The following FAM177A1 variants were observed in gnomAD, a reference collection of about 807,000 sequenced individuals.
FAM177A1 encodes protein FAM177A1.
FAM177A1 carries 22 observed loss-of-function variants against 26.1 expected under a neutral mutation model. That is an observed-to-expected ratio of 0.84 (90% CI 0.60 to 1.20). FAM177A1 has a LOEUF of 1.20. FAM177A1 is among the 50% of genes most tolerant of loss of function. FAM177A1 has a pLI of 0.00. For missense variants in FAM177A1, 296 were observed against 291.1 expected (o/e 1.02, Z -0.12); for synonymous variants, 95 against 99.3 (o/e 0.96, Z 0.26).
intron 2 of FAM177A1, among the ~76,000 whole-genome samples, chr14:35,058,326 AG>A (rs1054028657): frequency 6.6e-6 from 1 of 152,098 alleles, no homozygotes; most frequent in Non-Finnish European, 1.5e-5. Flanking sequence ...GGCCTCCCAA[AG>A]AGCTGGTATT....
intron 1 of FAM177A1, 176 bp downstream of exon 1, chr14:35,046,804 C>T (rs1057128911): frequency 2.2e-6 from 3 of 1,378,870 alleles, no homozygotes; most frequent in Middle Eastern, 3.7e-4. Context: ...GAAGGAGCGC[C>T]CCCCGCCTCA....
At chr14:35,060,074 G>A (rs2045127897) in intron 2 of FAM177A1, among the ~76,000 whole-genome samples, 1 of 152,040 alleles carries the variant, frequency 6.6e-6, no homozygotes, top group African/African-American at 2.4e-5. Flanking sequence ...CCTGGATTCA[G>A]GTGATTCTCC....
intron 2 of FAM177A1, among the ~76,000 whole-genome samples, chr14:35,072,223 C>T (rs567401815): frequency 1.4e-4 from 21 of 151,776 alleles, no homozygotes; most frequent in Admixed American, 3.9e-4. Flanking sequence ...TGCAGTGAGC[C>T]GAGATCGCAA....
chr14:35,073,424 G>A (rs562282759), intron 2 of FAM177A1, among the ~76,000 whole-genome samples: 2 of 152,270 alleles, frequency 1.3e-5, no homozygotes, highest in South Asian at 4.1e-4. Context: ...TGTGTAATGA[G>A]CCTTAAAGGT....
At chr14:35,075,092 C>T (rs1455032720) in intron 2 of FAM177A1, among the ~76,000 whole-genome samples, 1 of 152,130 alleles carries the variant, frequency 6.6e-6, no homozygotes, top group African/African-American at 2.4e-5. Flanking sequence ...AGGCTTTATA[C>T]TGTGTTTTCT....
At chr14:35,068,016 C>A (rs1432528535) in intron 2 of FAM177A1, among the ~76,000 whole-genome samples, 2 of 152,088 alleles carry the variant, frequency 1.3e-5, no homozygotes, top group African/African-American at 4.8e-5. Context: ...TGTGCAGAAG[C>A]TTTTTATTTT....
At chr14:35,070,252 C>T (rs1332365131) in intron 2 of FAM177A1, among the ~76,000 whole-genome samples, 2 of 151,510 alleles carry the variant, frequency 1.3e-5, no homozygotes, top group Non-Finnish European at 2.9e-5. Context: ...TCTCGATCTC[C>T]TGACCTCGTG....
Position 35,053,263 on chromosome 14 carries a change from A to G in FAM177A1, c.166-15A>G. On this transcript the variant is annotated splice_polypyrimidine_tract_variant and intron_variant, in intron 1 of 4. Transcript: ENST00000280987. ...CTCACTTGAAACTCATTTTCTTAAAATATCGTTGATATAGATGAGTAACGA... is the reference window on the plus strand; with the variant it reads ...CTCACTTGAAACTCATTTTCTTAAAGTATCGTTGATATAGATGAGTAACGA... 1 of 1,584,434 alleles carries G rather than the reference A, an allele frequency of 6.3e-7. No individual in the cohort carries two copies. Among genetic ancestry groups the G allele is most frequent in the Non-Finnish European group, 8.5e-7 (1 of 1,170,132 alleles).
chr14:35,053,062 G>C (rs1397433888), intron 1 of FAM177A1: 1 of 467,806 alleles, frequency 2.1e-6, no homozygotes, highest in Non-Finnish European at 3.8e-6. Context: ...CTGCTTTCCA[G>C]ATTTGGTTTA....
intron 2 of FAM177A1, among the ~76,000 whole-genome samples, chr14:35,058,841 A>C (rs1266566059): frequency 6.6e-6 from 1 of 152,200 alleles, no homozygotes; most frequent in African/African-American, 2.4e-5. Flanking sequence ...TCACCACTAC[A>C]TTCCAGTCTA....
intron 1 of FAM177A1, chr14:35,046,837 G>A (rs942248576): frequency 1.5e-6 from 2 of 1,358,248 alleles, no homozygotes; most frequent in Non-Finnish European, 1.9e-6. Flanking sequence ...TTGGCTGGCA[G>A]CACAGCAGAC....
At chr14:35,077,239 T>C in intron 3 of FAM177A1, 23 bp downstream of exon 3, 1 of 1,605,006 alleles carries the variant, frequency 6.2e-7, no homozygotes, top group Non-Finnish European at 8.5e-7. Flanking sequence ...TGCTTGAATA[T>C]TGTATAATTG....
At position 35,046,540 on chromosome 14, in the gene FAM177A1, A is replaced by G. The variant is rs146253684; in HGVS notation, c.77A>G (p.Gln26Arg). ...CCTGTGGTGGCGACGACGATGGACCAGGAGCCAGTGGGCGGTGTGGAACGA... is the reference window on the plus strand; with the variant it reads ...CCTGTGGTGGCGACGACGATGGACCGGGAGCCAGTGGGCGGTGTGGAACGA... ...SSPVVATTMD[Q>R]EPVGGVERGE... is the part of the protein sequence containing the mutation. The change falls in exon 1 of 5, where the codon CAG becomes CGG. Residue 26 changes from glutamine (Q) to arginine (R), a missense_variant. Transcript: ENST00000280987. 621 of 1,601,674 alleles carry G rather than the reference A, an allele frequency of 3.9e-4. 4 individuals are homozygous for G. The African/African-American group carries it at 7.7e-3, about 20-fold the overall frequency.
At position 35,081,092 on chromosome 14, in the gene FAM177A1, A is replaced by G. The variant is rs759580337; in HGVS notation, c.575A>G (p.Gln192Arg). 3 of 1,613,530 alleles carry G rather than the reference A, an allele frequency of 1.9e-6. No individual in the cohort carries two copies. Among genetic ancestry groups the G allele is most frequent in the Admixed American group, 1.7e-5 (1 of 59,940 alleles). ...AEKQYQQNKL[Q>R]TDSIVQTDQP... is the part of the protein sequence containing the mutation. ...AAACAATATCAACAGAATAAATTGC[A>G]GACTGATTCCATTGTTCAGACAGAT... Residue 192 changes from glutamine (Q) to arginine (R), a missense_variant, in exon 5 of 5, where the codon CAG (glutamine) becomes CGG (arginine). By Grantham distance (43) the Gln-to-Arg change is conservative. Transcript: ENST00000280987.
intron 2 of FAM177A1, among the ~76,000 whole-genome samples, chr14:35,056,159 T>C (rs11845837): frequency 0.34 from 51,780 of 150,958 alleles, 8,992 homozygotes; most frequent in Middle Eastern, 0.42. Flanking sequence ...CTCAGCCTCC[T>C]GAGTAGCTGG....
intron 4 of FAM177A1, 23 bp from the exon 5 acceptor site, chr14:35,080,999 T>C: frequency 6.3e-7 from 1 of 1,583,812 alleles, no homozygotes. Flanking sequence ...TCAACTATTC[T>C]TGATATTGCT....
At chr14:35,051,639 C>G (rs557180834) in intron 1 of FAM177A1, among the ~76,000 whole-genome samples, 2 of 152,280 alleles carry the variant, frequency 1.3e-5, no homozygotes, top group African/African-American at 4.8e-5. Flanking sequence ...TCTCGAACTC[C>G]TCACCTCATG....
chr14:35,073,510 G>A (rs1353977151), intron 2 of FAM177A1, among the ~76,000 whole-genome samples: 1 of 152,234 alleles, frequency 6.6e-6, no homozygotes, highest in Non-Finnish European at 1.5e-5. Flanking sequence ...GACACCTTCA[G>A]TGTTGAACTT....
chr14:35,081,245 AG>A lies in FAM177A1; in HGVS notation c.*18del. On this transcript the variant is annotated 3_prime_UTR_variant, in exon 5 of 5. Transcript: ENST00000280987. ...CCACCATAAAATGAAATGACTATCA[AG>A]CTTCAAACTCTTAAGTTTTTTTTTT... 6.3e-7 allele frequency: 1 copy of A among 1,586,274 alleles called. No homozygotes were observed. The highest frequency in any genetic ancestry group is 8.5e-7 in the Non-Finnish European group (1 of 1,171,810).
Sources: allele counts gnomAD v4.1 joint callset (sites outside exome capture counted in the v4.1 genomes callset), GRCh38; gene constraint gnomAD v4.1.1; transcripts MANE v1.5; gene names NCBI Gene and HGNC (gene_info 2026-07-23, HGNC 2026-07-21).